DTNB: variants seen among roughly 807,000 people sequenced by gnomAD.
The protein encoded by DTNB is DTN-B.
DTNB carries 63 observed loss-of-function variants against 90.7 expected under a neutral mutation model. The observed-to-expected ratio is 0.69, with a 90% CI of 0.57 to 0.86. DTNB has a LOEUF of 0.86. DTNB is among the 40% of genes least tolerant of loss of function. The pLI is 0.00. For missense variants in DTNB, 744 were observed against 807.1 expected (o/e 0.92, Z 0.95); for synonymous variants, 277 against 286.7 (o/e 0.97, Z 0.34).
chr2:25,467,201 G>C (rs1186864214), intron 10 of DTNB, among the ~76,000 whole-genome samples: 1 of 152,158 alleles, frequency 6.6e-6, no homozygotes, highest in African/African-American at 2.4e-5. Flanking sequence ...AAATTTCAAA[G>C]GGGCCAACAT....
chr2:25,405,333 G>T (rs183677610), intron 16 of DTNB, among the ~76,000 whole-genome samples: 2,017 of 152,236 alleles, frequency 0.013, 19 homozygotes, highest in Non-Finnish European at 0.021. Flanking sequence ...TTGAGGTCAG[G>T]AGTTCAAGAC....
rs78704907 is a variant in DTNB, at chr2:25,419,729, G to A, written c.1555-194C>T. 9.7e-4 allele frequency among the ~76,000 whole-genome samples: 148 copies of A among 152,196 alleles called. 3 individuals are homozygous for A. In the East Asian group the frequency reaches 0.025, roughly 26 times the overall value. ...GAGGACGAAGCAAGCAGCAGGCCTCGGCCCGGTGAGTGATTCAATGCTAAC... is the reference window on the plus strand; with the variant it reads ...GAGGACGAAGCAAGCAGCAGGCCTCAGCCCGGTGAGTGATTCAATGCTAAC... On this transcript the variant is annotated intron_variant, in intron 15 of 20. Coordinates refer to ENST00000406818, the MANE Select transcript of DTNB (RefSeq NM_021907.5).
At chr2:25,594,314 A>T (rs2064144787) in intron 6 of DTNB, among the ~76,000 whole-genome samples, 1 of 152,250 alleles carries the variant, frequency 6.6e-6, no homozygotes, top group Non-Finnish European at 1.5e-5. Flanking sequence ...CTGAAAGAAA[A>T]AATAAATAGT....
intron 1 of DTNB, among the ~76,000 whole-genome samples, chr2:25,670,521 A>C (rs2085586483): frequency 1.3e-5 from 2 of 152,350 alleles, no homozygotes; most frequent in South Asian, 4.1e-4. Flanking sequence ...AGTATCTGAC[A>C]AGTGAGTGTG....
intron 15 of DTNB, among the ~76,000 whole-genome samples, chr2:25,422,825 T>C (rs1440140438): frequency 4.6e-5 from 7 of 152,206 alleles, no homozygotes; most frequent in African/African-American, 1.7e-4. Context: ...AATTAATTAA[T>C]ACTCATTAAT....
chr2:25,640,764 T>A (rs2078106311), intron 2 of DTNB, among the ~76,000 whole-genome samples: 1 of 151,978 alleles, frequency 6.6e-6, no homozygotes, highest in Admixed American at 6.6e-5. Context: ...CCCAGCACTT[T>A]GGGAGGCTGA....
intron 16 of DTNB, among the ~76,000 whole-genome samples, chr2:25,410,829 A>G (rs2046400642): frequency 6.6e-6 from 1 of 152,108 alleles, no homozygotes; most frequent in African/African-American, 2.4e-5. Flanking sequence ...TTTTTTTAAA[A>G]CGTATCTGGC....
rs1372360589 is a variant in DTNB, at chr2:25,546,277, A to T, written c.877-14680T>A. Among the ~76,000 whole-genome samples the T allele has an allele frequency of 2.0e-5, 3 of 152,190 alleles. No individual in the cohort carries two copies. In the South Asian group the frequency reaches 6.2e-4, roughly 31 times the overall value. On this transcript the variant is annotated intron_variant, in intron 8 of 20. Coordinates refer to ENST00000406818, the MANE Select transcript of DTNB (RefSeq NM_021907.5). ...ACAACCCTCTCTTGGTTCTCTCACA[A>T]GGTTTTGTGCCAAAGGCTTCATTTT...
At chr2:25,631,512 G>C (rs2075742726) in intron 3 of DTNB, among the ~76,000 whole-genome samples, 1 of 151,386 alleles carries the variant, frequency 6.6e-6, no homozygotes, top group African/African-American at 2.4e-5. Flanking sequence ...GTTGAAGGCT[G>C]CATTTAGCTA....
At chr2:25,492,084 T>A (rs908187757) in intron 9 of DTNB, among the ~76,000 whole-genome samples, 4 of 152,130 alleles carry the variant, frequency 2.6e-5, no homozygotes, top group African/African-American at 4.8e-5. Context: ...GGATATTTAC[T>A]CTATATAAAA....
chr2:25,634,269 C>G (rs1181777635), intron 3 of DTNB, among the ~76,000 whole-genome samples: 1 of 124,880 alleles, frequency 8.0e-6, no homozygotes, highest in Non-Finnish European at 1.8e-5. Flanking sequence ...CCAGCCGCCC[C>G]GTCCGGGAGG....
chr2:25,671,194 AAC>A (rs1465875043), intron 1 of DTNB, among the ~76,000 whole-genome samples: 2 of 152,158 alleles, frequency 1.3e-5, no homozygotes, highest in Non-Finnish European at 2.9e-5. Context: ...ATAGGGAAAA[AAC>A]AGTCTATATA....
chr2:25,578,574 C>T lies in DTNB; in HGVS notation c.710-1570G>A, dbSNP rs140273839. ...GATTCTCCTACCTTCTCTTCCAAAC[C>T]ACTCAAGAGCCAATCCTTAGTCAGT... On this transcript the variant is annotated intron_variant, in intron 7 of 20. Coordinates refer to ENST00000406818, the MANE Select transcript of DTNB (RefSeq NM_021907.5). 1.4e-3 allele frequency among the ~76,000 whole-genome samples: 212 copies of T among 152,224 alleles called. 1 individual carries two copies. Among genetic ancestry groups the T allele is most frequent in the Non-Finnish European group, 2.2e-3 (152 of 68,022 alleles).
At chr2:25,423,729 G>A (rs1189972171) in intron 15 of DTNB, among the ~76,000 whole-genome samples, 3 of 148,054 alleles carry the variant, frequency 2.0e-5, no homozygotes, top group African/African-American at 7.5e-5. Context: ...GTGTGATCTC[G>A]GCTCACTGCA....
intron 1 of DTNB, among the ~76,000 whole-genome samples, chr2:25,655,130 CTG>C (rs2081816880): frequency 6.6e-6 from 1 of 152,208 alleles, no homozygotes; most frequent in African/African-American, 2.4e-5. Flanking sequence ...TGAAGACAGA[CTG>C]TGCTAAAAAT....
At chr2:25,653,242 T>C (rs1338566459) in intron 1 of DTNB, 1 of 152,242 alleles carries the variant, frequency 6.6e-6, no homozygotes, top group Non-Finnish European at 1.5e-5. Context: ...GGGGCCGGTC[T>C]TTCCCGTGCT....
intron 9 of DTNB, among the ~76,000 whole-genome samples, chr2:25,493,895 A>G (rs186092073): frequency 1.6e-3 from 243 of 152,370 alleles, no homozygotes; most frequent in African/African-American, 5.7e-3. Flanking sequence ...ATCAAATCCT[A>G]TATGATGATA....
chr2:25,496,824 C>T (rs2068982208), intron 9 of DTNB, among the ~76,000 whole-genome samples: 1 of 143,848 alleles, frequency 7.0e-6, no homozygotes, highest in South Asian at 2.2e-4. Flanking sequence ...GCCTGGGTGA[C>T]AGAGTGAGAC....
chr2:25,583,372 G>A (rs1253084964), intron 6 of DTNB, among the ~76,000 whole-genome samples: 1 of 151,300 alleles, frequency 6.6e-6, no homozygotes, highest in African/African-American at 2.4e-5. Context: ...AAAATTAAAT[G>A]TATCATATCC....
Sources: allele counts gnomAD v4.1 joint callset (sites outside exome capture counted in the v4.1 genomes callset), GRCh38; gene constraint gnomAD v4.1.1; transcripts MANE v1.5; gene names NCBI Gene and HGNC (gene_info 2026-07-23, HGNC 2026-07-21).